Variants in WWOX observed in about 807,000 individuals in gnomAD.
The protein encoded by WWOX is WW domain containing oxidoreductase.
WWOX carries 69 observed loss-of-function variants against 46.2 expected under a neutral mutation model. The observed-to-expected ratio is 1.49, with a 90% confidence interval of 1.23 to 1.82. The LOEUF (loss-of-function observed/expected upper bound fraction) is 1.82, where lower values mean the gene tolerates loss of function less well. Ranked by LOEUF, WWOX falls within the 40% of genes most tolerant of loss-of-function variation. The pLI is 0.00. For missense variants in WWOX, 919 were observed against 542.6 expected (o/e 1.69, Z -6.89); for synonymous variants, 359 against 202.6 (o/e 1.77, Z -6.56).
chr16:78,591,936 G>C (rs2045361936), intron 8 of WWOX, among the ~76,000 whole-genome samples: 1 of 152,194 alleles, frequency 6.6e-6, no homozygotes, highest in African/African-American at 2.4e-5. Flanking sequence ...ATGCGCTCAA[G>C]CGACCATAAC....
intron 8 of WWOX, among the ~76,000 whole-genome samples, chr16:78,880,359 C>T (rs1051567609): frequency 2.0e-5 from 3 of 152,176 alleles, no homozygotes; most frequent in Non-Finnish European, 4.4e-5. Flanking sequence ...TTTTAGCATC[C>T]TGTTTTCTTT....
chr16:79,040,377 C>T (rs561694073), intron 8 of WWOX, among the ~76,000 whole-genome samples: 102 of 151,060 alleles, frequency 6.8e-4, no homozygotes, highest in Non-Finnish European at 1.1e-3. Flanking sequence ...CAGGCCCAAG[C>T]GATCCTCCTG....
chr16:79,025,441 T>C (rs1299903559), intron 8 of WWOX, among the ~76,000 whole-genome samples: 1 of 152,128 alleles, frequency 6.6e-6, no homozygotes, highest in Non-Finnish European at 1.5e-5. Context: ...GACAGGTGTT[T>C]TCAGCAGAGA....
intron 8 of WWOX, among the ~76,000 whole-genome samples, chr16:78,743,186 G>C (rs962103709): frequency 6.6e-6 from 1 of 152,108 alleles, no homozygotes; most frequent in African/African-American, 2.4e-5. Flanking sequence ...GGTTCATGCT[G>C]GCAGAGGAGG....
chr16:78,702,878 C>T (rs565330071), intron 8 of WWOX, among the ~76,000 whole-genome samples: 3 of 152,214 alleles, frequency 2.0e-5, no homozygotes, highest in South Asian at 2.1e-4. Context: ...CTGCTTTGCT[C>T]ACTGCAGGAG....
chr16:78,208,399 A>T (rs182804083), intron 5 of WWOX, among the ~76,000 whole-genome samples: 8 of 152,346 alleles, frequency 5.3e-5, no homozygotes, highest in African/African-American at 1.9e-4. Context: ...TTACATATGT[A>T]TATGAAACGG....
chr16:79,091,233 A>G (rs1326879674), intron 8 of WWOX, among the ~76,000 whole-genome samples: 1 of 152,210 alleles, frequency 6.6e-6, no homozygotes, highest in East Asian at 1.9e-4. Flanking sequence ...GTGAACAACA[A>G]AAGCAAAAAC....
chr16:79,129,432 A>G (rs982861650), intron 8 of WWOX, among the ~76,000 whole-genome samples: 1 of 149,208 alleles, frequency 6.7e-6, no homozygotes, highest in Non-Finnish European at 1.5e-5. Flanking sequence ...ACGGGAGAAA[A>G]ACCACTTAAA....
chr16:78,582,260 A>T (rs1255045001), intron 8 of WWOX, among the ~76,000 whole-genome samples: 1 of 152,136 alleles, frequency 6.6e-6, no homozygotes, highest in Non-Finnish European at 1.5e-5. Flanking sequence ...ATCAAGTAAG[A>T]TCTATACTTT....
At chr16:79,145,679 C>T (rs1407235078) in intron 8 of WWOX, among the ~76,000 whole-genome samples, 3 of 152,094 alleles carry the variant, frequency 2.0e-5, no homozygotes, top group African/African-American at 7.2e-5. Context: ...TTGTTTTAAA[C>T]TTCTGTAATT....
intron 8 of WWOX, among the ~76,000 whole-genome samples, chr16:78,809,630 A>G (rs147088230): frequency 1.6e-3 from 241 of 151,984 alleles, no homozygotes; most frequent in African/African-American, 5.6e-3. Context: ...CAGAAATTTA[A>G]CCTAGTACAC....
intron 8 of WWOX, among the ~76,000 whole-genome samples, chr16:78,784,265 A>T (rs1424754466): frequency 6.6e-6 from 1 of 152,098 alleles, no homozygotes; most frequent in Non-Finnish European, 1.5e-5. Flanking sequence ...CTTAGAAGGG[A>T]TAAGCTCAAG....
chr16:78,762,500 C>T (rs991648478), intron 8 of WWOX, among the ~76,000 whole-genome samples: 2 of 152,188 alleles, frequency 1.3e-5, no homozygotes, highest in Admixed American at 6.5e-5. Flanking sequence ...GGTGAGGCTG[C>T]AAAGACAATA....
At chr16:78,951,461 G>A (rs2046058200) in intron 8 of WWOX, among the ~76,000 whole-genome samples, 1 of 151,040 alleles carries the variant, frequency 6.6e-6, no homozygotes, top group African/African-American at 2.4e-5. Flanking sequence ...GAGCATGGGA[G>A]CGGGATCCCC....
intron 8 of WWOX, among the ~76,000 whole-genome samples, chr16:78,684,905 T>C (rs2047819834): frequency 6.6e-6 from 1 of 152,220 alleles, no homozygotes; most frequent in Non-Finnish European, 1.5e-5. Context: ...ACACTCATAG[T>C]ATGTATCAGA....
At chr16:78,941,425 C>T (rs1277222266) in intron 8 of WWOX, among the ~76,000 whole-genome samples, 1 of 151,788 alleles carries the variant, frequency 6.6e-6, no homozygotes, top group Non-Finnish European at 1.5e-5. Flanking sequence ...GCCGTTGCTC[C>T]TCGTAAGCGC....
chr16:78,581,738 T>G (rs944841750), intron 8 of WWOX, among the ~76,000 whole-genome samples: 1 of 152,188 alleles, frequency 6.6e-6, no homozygotes, highest in Non-Finnish European at 1.5e-5. Flanking sequence ...GTCAGGAAAA[T>G]TATCTCTTGT....
At chr16:78,595,545 C>G (rs2045468765) in intron 8 of WWOX, among the ~76,000 whole-genome samples, 1 of 152,214 alleles carries the variant, frequency 6.6e-6, no homozygotes. Context: ...GGTCCTCAAT[C>G]TCTCCCTCCC....
At chr16:78,617,955 C>G (rs186429625) in intron 8 of WWOX, among the ~76,000 whole-genome samples, 105 of 152,316 alleles carry the variant, frequency 6.9e-4, no homozygotes, top group Admixed American at 1.7e-3. Context: ...GACTTTTAAT[C>G]TTCATTATAT....
Sources: allele counts gnomAD v4.1 joint callset (sites outside exome capture counted in the v4.1 genomes callset), GRCh38; gene constraint gnomAD v4.1.1; transcripts MANE v1.5; gene names NCBI Gene and HGNC (gene_info 2026-07-23, HGNC 2026-07-21).